The following CCSER2 variants were observed in gnomAD, a reference collection of about 807,000 sequenced individuals.
CCSER2 encodes serine-rich coiled-coil domain-containing protein 2.
Under a neutral mutation model 92.3 loss-of-function variants are expected in CCSER2, and 46 were observed. That is an observed-to-expected ratio of 0.50 (90% CI 0.39 to 0.64). The LOEUF (loss-of-function observed/expected upper bound fraction) is 0.64, where lower values mean the gene tolerates loss of function less well. Among genes scored for constraint, CCSER2 ranks in the 30% least tolerant of loss-of-function variants. The pLI is 0.00. For synonymous variants in CCSER2, 433 were observed against 431.4 expected, an observed-to-expected ratio of 1.00 and a Z score of -0.04; for missense variants, 1,244 against 1,238.9, an observed-to-expected ratio of 1.00 and a Z score of -0.06.
At chr10:84,449,514 T>TA (rs1397191829) in intron 6 of CCSER2, among the ~76,000 whole-genome samples, 1 of 152,204 alleles carries the variant, frequency 6.6e-6, no homozygotes, top group East Asian at 1.9e-4. Context: ...TAATAGCTCT[T>TA]ACTTCAGGAC....
intron 1 of CCSER2, among the ~76,000 whole-genome samples, chr10:84,370,184 G>A (rs1300062715): frequency 6.6e-6 from 1 of 151,974 alleles, no homozygotes; most frequent in Non-Finnish European, 1.5e-5. Flanking sequence ...TTGGTATTTC[G>A]ATACAAATTG....
At chr10:84,478,885 G>A (rs12357539) in intron 9 of CCSER2, among the ~76,000 whole-genome samples, 86,246 of 152,126 alleles carry the variant, frequency 0.57, 27,167 homozygotes, top group East Asian at 0.74. Context: ...AAGATGATGT[G>A]ATATTATTTA....
At chr10:84,396,185 CTGTGTGTG>C (rs11467455) in intron 3 of CCSER2, among the ~76,000 whole-genome samples, 13,573 of 145,754 alleles carry the variant, frequency 0.093, 694 homozygotes, top group South Asian at 0.18. Context: ...TTATTCAACA[CTGTGTGTG>C]TGTGTGTGTG....
intron 3 of CCSER2, among the ~76,000 whole-genome samples, chr10:84,415,092 C>G (rs1254312821): frequency 6.6e-6 from 1 of 152,150 alleles, no homozygotes; most frequent in Non-Finnish European, 1.5e-5. Context: ...TAATAACATG[C>G]TCCTTTAGCT....
At chr10:84,391,378 C>T in intron 3 of CCSER2, 2 of 1,459,768 alleles carry the variant, frequency 1.4e-6, no homozygotes, top group Non-Finnish European at 1.9e-6. Context: ...AAAGTAACAT[C>T]CTAACACTAA....
Position 84,514,605 on chromosome 10 carries a change from C to T in CCSER2, c.*338C>T, listed in dbSNP as rs1849533364. 1 of 257,790 alleles carries T rather than the reference C, an allele frequency of 3.9e-6. No homozygotes were observed. Among genetic ancestry groups the T allele is most frequent in the African/African-American group, 2.3e-5 (1 of 44,136 alleles). The allele number at this position is 257,790 out of a possible 1,614,324, so 16.0% of individuals were successfully genotyped here. A position where few individuals can be genotyped will look rare whatever the true frequency, so the allele number is the denominator to read the frequency against. ...AAGAAGTGTGCTTTGCTGGTTTAGT[C>T]CTATTAAGGTCTGTATTTATTGTGG... On this transcript the variant is annotated 3_prime_UTR_variant, in exon 10 of 10. Coordinates refer to ENST00000372088, the MANE Select transcript of CCSER2 (RefSeq NM_001284240.2).
chr10:84,483,998 A>ATATAAT (rs1564711769), intron 9 of CCSER2, among the ~76,000 whole-genome samples: 14 of 55,258 alleles, frequency 2.5e-4, no homozygotes, highest in African/African-American at 1.3e-3. Flanking sequence ...TATATATATA[A>ATATAAT]TTTTTTTTTT....
intron 3 of CCSER2, among the ~76,000 whole-genome samples, chr10:84,410,356 G>A (rs1230093439): frequency 6.6e-6 from 1 of 152,126 alleles, no homozygotes; most frequent in Non-Finnish European, 1.5e-5. Flanking sequence ...TATCACAATG[G>A]TTGAACTAAT....
At chr10:84,376,929 A>T (rs558645029) in intron 3 of CCSER2, among the ~76,000 whole-genome samples, 2 of 152,174 alleles carry the variant, frequency 1.3e-5, no homozygotes, top group South Asian at 4.1e-4. Context: ...TTTTTTGATA[A>T]CTACTCACAG....
At chr10:84,362,876 AC>A (rs1845576768) in intron 1 of CCSER2, among the ~76,000 whole-genome samples, 1 of 151,888 alleles carries the variant, frequency 6.6e-6, no homozygotes, top group Non-Finnish European at 1.5e-5. Context: ...CACTCTTGTC[AC>A]CCAGGCTGGA....
intron 3 of CCSER2, among the ~76,000 whole-genome samples, chr10:84,402,253 T>C (rs1221602594): frequency 6.6e-6 from 1 of 152,188 alleles, no homozygotes; most frequent in Non-Finnish European, 1.5e-5. Context: ...GTATGAGCAC[T>C]CTTTTGTCTG....
chr10:84,397,031 C>T (rs1332478501), intron 3 of CCSER2, among the ~76,000 whole-genome samples: 3 of 152,210 alleles, frequency 2.0e-5, no homozygotes, highest in Non-Finnish European at 4.4e-5. Context: ...CATCTACCAC[C>T]TTACTTGTGT....
intron 5 of CCSER2, among the ~76,000 whole-genome samples, chr10:84,427,932 C>T (rs1843527498): frequency 6.6e-6 from 1 of 152,136 alleles, no homozygotes; most frequent in African/African-American, 2.4e-5. Flanking sequence ...GTCCTCATTT[C>T]TCATTGTCAC....
intron 3 of CCSER2, among the ~76,000 whole-genome samples, chr10:84,383,231 T>C (rs1841008361): frequency 6.6e-6 from 1 of 152,220 alleles, no homozygotes. Context: ...GCTCTCTAAT[T>C]TTGTATCTGT....
intron 5 of CCSER2, among the ~76,000 whole-genome samples, chr10:84,433,357 A>G (rs183471365): frequency 2.6e-4 from 40 of 152,302 alleles, no homozygotes; most frequent in Non-Finnish European, 4.7e-4. Context: ...ATGAAACACT[A>G]ATGATTTTAT....
At chr10:84,392,018 A>T (rs1313421074) in intron 3 of CCSER2, 4 of 1,288,618 alleles carry the variant, frequency 3.1e-6, no homozygotes, top group Non-Finnish European at 4.5e-6. Context: ...TTCCCTTAAA[A>T]AGAGCGTCTT....
chr10:84,458,756 T>TA (rs1845924178), intron 6 of CCSER2, among the ~76,000 whole-genome samples: 1 of 152,136 alleles, frequency 6.6e-6, no homozygotes, highest in Non-Finnish European at 1.5e-5. Context: ...TACATACACA[T>TA]ATATGTATAT....
At chr10:84,464,844 A>G (rs1455938354) in intron 7 of CCSER2, among the ~76,000 whole-genome samples, 2 of 152,166 alleles carry the variant, frequency 1.3e-5, no homozygotes, top group East Asian at 1.9e-4. Context: ...TGTGGCACAT[A>G]TCACTTTCAA....
At chr10:84,342,537 C>T (rs1844248425) in intron 1 of CCSER2, among the ~76,000 whole-genome samples, 1 of 152,166 alleles carries the variant, frequency 6.6e-6, no homozygotes, top group South Asian at 2.1e-4. Context: ...AAAAATGTTA[C>T]ATGCCTTTCC....
Sources: allele counts gnomAD v4.1 joint callset (sites outside exome capture counted in the v4.1 genomes callset), GRCh38; gene constraint gnomAD v4.1.1; transcripts MANE v1.5; gene names NCBI Gene and HGNC (gene_info 2026-07-23, HGNC 2026-07-21).